Variants in HS6ST3 observed in about 807,000 individuals in gnomAD.
HS6ST3 encodes the protein heparan-sulfate 6-O-sulfotransferase 3.
A neutral mutation model predicts 36.7 loss-of-function variants in HS6ST3; 12 were observed. That is an observed-to-expected ratio of 0.33 (90% CI 0.21 to 0.53). The LOEUF is 0.53. Ranked by LOEUF, HS6ST3 falls within the 20% of genes least tolerant of loss-of-function variation. HS6ST3 has a pLI of 0.95. For missense variants in HS6ST3, 584 were observed against 640.9 expected, an observed-to-expected ratio of 0.91 and a Z score of 0.96; for synonymous variants, 240 against 257.5, an observed-to-expected ratio of 0.93 and a Z score of 0.65.
At chr13:96,802,223 T>A (rs1203793578) in intron 1 of HS6ST3, among the ~76,000 whole-genome samples, 1 of 152,086 alleles carries the variant, frequency 6.6e-6, no homozygotes, top group East Asian at 1.9e-4. Context: ...CCTAGACCTA[T>A]CAGGATTTAC....
chr13:96,467,632 T>C (rs1410342), intron 1 of HS6ST3, among the ~76,000 whole-genome samples: 1 of 151,636 alleles, frequency 6.6e-6, no homozygotes, highest in African/African-American at 2.4e-5. Flanking sequence ...CTAATAATAA[T>C]TAATAATAAG....
intron 1 of HS6ST3, among the ~76,000 whole-genome samples, chr13:96,166,021 GTTATTTATTTAT>G (rs143510611): frequency 0.013 from 1,856 of 144,762 alleles, 33 homozygotes; most frequent in African/African-American, 0.041. Context: ...GGTGGAAGGG[GTTATTTATTTAT>G]TTATTTATTT....
intron 1 of HS6ST3, among the ~76,000 whole-genome samples, chr13:96,810,075 C>T (rs577593418): frequency 3.3e-5 from 5 of 152,260 alleles, no homozygotes; most frequent in African/African-American, 9.6e-5. Flanking sequence ...GCATCCAGTA[C>T]CCTCTGATGC....
At chr13:96,304,620 T>C (rs1025912009) in intron 1 of HS6ST3, among the ~76,000 whole-genome samples, 8 of 151,324 alleles carry the variant, frequency 5.3e-5, no homozygotes, top group African/African-American at 9.7e-5. Context: ...AGAAAGAGAA[T>C]AACATATATA....
chr13:96,432,663 T>C (rs1376422458), intron 1 of HS6ST3, among the ~76,000 whole-genome samples: 1 of 152,190 alleles, frequency 6.6e-6, no homozygotes, highest in African/African-American at 2.4e-5. Context: ...AGTTGACACC[T>C]TCTTATACTA....
chr13:96,652,314 T>G (rs1283021476), intron 1 of HS6ST3, among the ~76,000 whole-genome samples: 2 of 152,032 alleles, frequency 1.3e-5, no homozygotes, highest in Non-Finnish European at 2.9e-5. Context: ...TATACATATA[T>G]GTATTTGCTA....
chr13:96,175,643 G>T (rs2054209197), intron 1 of HS6ST3, among the ~76,000 whole-genome samples: 2 of 136,898 alleles, frequency 1.5e-5, no homozygotes, highest in African/African-American at 2.7e-5. Context: ...ATTATTTTAT[G>T]TTTTGTGTAA....
At chr13:96,793,372 C>T (rs1877835891) in intron 1 of HS6ST3, among the ~76,000 whole-genome samples, 1 of 151,976 alleles carries the variant, frequency 6.6e-6, no homozygotes, top group Admixed American at 6.6e-5. Context: ...TCCTGGAAAC[C>T]CCCGGGTACC....
intron 1 of HS6ST3, among the ~76,000 whole-genome samples, chr13:96,589,505 A>G: frequency 6.6e-6 from 1 of 151,456 alleles, no homozygotes; most frequent in East Asian, 1.9e-4. Flanking sequence ...TTAGTCTTTT[A>G]TATTGTTTTT....
At chr13:96,665,472 G>A (rs746075613) in intron 1 of HS6ST3, among the ~76,000 whole-genome samples, 18 of 152,064 alleles carry the variant, frequency 1.2e-4, no homozygotes, top group Non-Finnish European at 2.5e-4. Flanking sequence ...AGAATGCTAA[G>A]AGAACATAAA....
chr13:96,513,876 T>C (rs990799737), intron 1 of HS6ST3, among the ~76,000 whole-genome samples: 21 of 151,736 alleles, frequency 1.4e-4, no homozygotes, highest in African/African-American at 4.8e-4. Context: ...AGGAGACCTG[T>C]GACTATTGAA....
intron 1 of HS6ST3, among the ~76,000 whole-genome samples, chr13:96,722,040 C>T (rs573140259): frequency 6.6e-5 from 10 of 152,076 alleles, no homozygotes; most frequent in Middle Eastern, 3.4e-3. Context: ...GTTGGATGGG[C>T]GGATCACCTG....
chr13:96,390,295 C>A (rs1041794417), intron 1 of HS6ST3, among the ~76,000 whole-genome samples: 2 of 152,186 alleles, frequency 1.3e-5, no homozygotes, highest in Non-Finnish European at 2.9e-5. Flanking sequence ...CTGCTATGAT[C>A]TGAATGTTTT....
At chr13:96,807,486 C>T (rs947880046) in intron 1 of HS6ST3, among the ~76,000 whole-genome samples, 3 of 152,000 alleles carry the variant, frequency 2.0e-5, no homozygotes, top group African/African-American at 7.2e-5. Context: ...AGGGAGAATG[C>T]CATATGAAAC....
intron 1 of HS6ST3, among the ~76,000 whole-genome samples, chr13:96,746,705 A>C (rs1366695118): frequency 1.3e-5 from 2 of 152,076 alleles, no homozygotes; most frequent in Admixed American, 6.6e-5. Flanking sequence ...TTCCTCTGTA[A>C]TTGTTATTTT....
intron 1 of HS6ST3, among the ~76,000 whole-genome samples, chr13:96,294,852 T>C (rs1328249064): frequency 1.3e-5 from 2 of 152,114 alleles, no homozygotes; most frequent in Admixed American, 6.6e-5. Context: ...TGGGTTTTTT[T>C]CTGAATGAGG....
At chr13:96,296,713 GT>G (rs2054856612) in intron 1 of HS6ST3, among the ~76,000 whole-genome samples, 2 of 152,070 alleles carry the variant, frequency 1.3e-5, no homozygotes, top group Admixed American at 6.6e-5. Flanking sequence ...GAATGAATGG[GT>G]TCAGGCATTT....
chr13:96,536,569 G>C (rs1183872934), intron 1 of HS6ST3, among the ~76,000 whole-genome samples: 2 of 152,176 alleles, frequency 1.3e-5, no homozygotes, highest in Admixed American at 1.3e-4. Context: ...GTAGACAGTT[G>C]GAGATTGTGG....
chr13:96,374,390 T>C (rs1396155691), intron 1 of HS6ST3, among the ~76,000 whole-genome samples: 1 of 152,218 alleles, frequency 6.6e-6, no homozygotes, highest in African/African-American at 2.4e-5. Flanking sequence ...CCTATTAATA[T>C]CTGCTACTTA....
Sources: gnomAD v4.1 joint callset for allele counts (sites outside exome capture counted in the v4.1 genomes callset) on GRCh38, gnomAD v4.1.1 for gene constraint, MANE v1.5 for transcripts, NCBI Gene and HGNC (gene_info 2026-07-23, HGNC 2026-07-21) for gene names.